Variants in CCDC154 observed in about 807,000 individuals in gnomAD.
CCDC154 encodes the protein coiled-coil domain-containing protein 154.
Under a neutral mutation model 87.5 loss-of-function variants are expected in CCDC154, and 91 were observed. That is an observed-to-expected ratio of 1.04 (90% CI 0.88 to 1.24). CCDC154 has a LOEUF of 1.24. Ranked by LOEUF, CCDC154 falls within the 50% of genes most tolerant of loss-of-function variation. The pLI, the probability that CCDC154 is intolerant of heterozygous loss-of-function variation, is 0.00. For synonymous variants in CCDC154, 418 were observed against 400.4 expected (o/e 1.04, Z -0.52); for missense variants, 903 against 879.2 (o/e 1.03, Z -0.34).
rs763979150 is a variant in CCDC154, at chr16:1,434,675, C to T, written c.1870G>A (p.Ala624Thr). Residue 624 changes from alanine to threonine, a missense_variant, in exon 16 of 17, where the codon GCT becomes ACT. Transcript: ENST00000389176. ...GGGATCCCTGCTGCCCACCTCACAG[C>T]CTGGTACACGCCCCAGCAGTTCATG... ...VPMNCWGVYQ[A>T]VRWLRWKASL... 1.2e-5 allele frequency: 18 copies of T among 1,546,162 alleles called. No homozygotes were observed. Among genetic ancestry groups the T allele is most frequent in the Non-Finnish European group, 1.6e-5 (18 of 1,146,774 alleles).
rs2038524298 is a variant in CCDC154, at chr16:1,438,729, G to T, written c.915C>A (p.His305Gln). The change falls in exon 9 of 17, where the codon CAC becomes CAA. Residue 305 changes from histidine to glutamine, a missense_variant. Physicochemically the swap from His to Gln is conservative, Grantham distance 24 (BLOSUM62 0). Coordinates refer to ENST00000389176, the MANE Select transcript of CCDC154 (RefSeq NM_001143980.3). ...RALQGQHEES[H>Q]LLEQCQGLDA... ...CCAGGCCCTGGCACTGCTCCAGGAG[G>T]TGGCTCTCCTGCCAGGGGGTGGAGG... The T allele has an allele frequency of 5.2e-6, 8 of 1,549,472 alleles. No individual in the cohort carries two copies. The East Asian group carries it at 2.0e-4, about 38-fold the overall frequency.
At chr16:1,436,384 G>A (rs1042789161) in intron 13 of CCDC154, 61 bp downstream of exon 13, 21 of 1,374,392 alleles carry the variant, frequency 1.5e-5, no homozygotes, top group Admixed American at 2.0e-5. Context: ...CGTGGGGACC[G>A]GCCCAGCCCA....
intron 15 of CCDC154, 36 bp downstream of exon 15, chr16:1,435,053 G>T (rs1298802158): frequency 1.3e-6 from 2 of 1,536,714 alleles, no homozygotes; most frequent in East Asian, 4.9e-5. Context: ...GAGCGGGTGG[G>T]AGCTGGGCGG....
Position 1,443,565 on chromosome 16 carries a change from TCAGCTCTGAGCCCTG to T in CCDC154, c.340_354del (p.Gln114_Leu118del). Reference sequence around the variant, plus strand: ...GGCCGCGCCTCCTGCTGCAACTGCCTCAGCTCTGAGCCCTGCAGCTGCACGCGGGCCCGCACCTGG... The same window carrying T: ...GGCCGCGCCTCCTGCTGCAACTGCCTCAGCTGCACGCGGGCCCGCACCTGG... On this transcript the variant is annotated inframe_deletion, in exon 3 of 17. Transcript: ENST00000389176. 1 of 1,483,288 alleles carries T rather than the reference TCAGCTCTGAGCCCTG, an allele frequency of 6.7e-7. No individual in the cohort carries two copies. The highest frequency in any genetic ancestry group is 8.9e-7 in the Non-Finnish European group (1 of 1,120,096). The allele number at this position is 1,483,288 out of a possible 1,614,324, so 91.9% of individuals were successfully genotyped here.
chr16:1,443,155 C>A, intron 4 of CCDC154, 106 bp downstream of exon 4: 1 of 1,415,486 alleles, frequency 7.1e-7, no homozygotes, highest in South Asian at 1.3e-5. Context: ...ATCCCCCACT[C>A]CAGCGACACC....
chr16:1,440,476 G>A (rs974270608), intron 6 of CCDC154, among the ~76,000 whole-genome samples: 1 of 150,102 alleles, frequency 6.7e-6, no homozygotes, highest in African/African-American at 2.5e-5. Context: ...GGGAAGAGAA[G>A]AGAAGAGAAG....
rs571439720 is a variant in CCDC154 at position 1,437,861 on chromosome 16, G to A, written c.1246C>T (p.Arg416Trp). The A allele has an allele frequency of 6.9e-5, 107 of 1,542,930 alleles. No individual in the cohort carries two copies. The highest frequency in any genetic ancestry group is 1.5e-4 in the South Asian group (13 of 84,032). The change falls in exon 11 of 17, where the codon CGG (arginine) becomes TGG (tryptophan). Residue 416 changes from arginine (R) to tryptophan (W), a missense_variant. By Grantham distance (101) the Arg-to-Trp change is moderately radical. Transcript: ENST00000389176. ...LSGHLPALSS[R>W]LDLQEQMLGL... ...AGCATCTGCTCCTGCAGATCGAGCCGGCTGCTCAGAGCCGGGAGATGGCCA... is the reference window on the plus strand; with the variant it reads ...AGCATCTGCTCCTGCAGATCGAGCCAGCTGCTCAGAGCCGGGAGATGGCCA...
Sources: gnomAD v4.1 joint callset for allele counts (sites outside exome capture counted in the v4.1 genomes callset) on GRCh38, gnomAD v4.1.1 for gene constraint, MANE v1.5 for transcripts, NCBI Gene and HGNC (gene_info 2026-07-23, HGNC 2026-07-21) for gene names.